ESRRG: variants seen among roughly 807,000 people sequenced by gnomAD.
ESRRG encodes the protein estrogen-related receptor gamma.
Under a neutral mutation model 44.0 loss-of-function variants are expected in ESRRG, and 13 were observed. The observed-to-expected ratio is 0.30, with a 90% confidence interval of 0.19 to 0.47. ESRRG has a LOEUF of 0.47. Ranked by LOEUF, ESRRG falls within the 20% of genes least tolerant of loss-of-function variation. The pLI is 1.00. For synonymous variants in ESRRG, 215 were observed against 214.6 expected, an observed-to-expected ratio of 1.00 and a Z score of -0.02; for missense variants, 395 against 580.6, an observed-to-expected ratio of 0.68 and a Z score of 3.29.
chr1:216,770,539 T>C (rs1045705905), intron 2 of ESRRG, among the ~76,000 whole-genome samples: 23 of 152,116 alleles, frequency 1.5e-4, no homozygotes, highest in African/African-American at 5.1e-4. Context: ...ATATCTTTCA[T>C]TGACCATATT....
intron 1 of ESRRG, among the ~76,000 whole-genome samples, chr1:216,997,993 T>G (rs1286842549): frequency 6.6e-6 from 1 of 152,220 alleles, no homozygotes; most frequent in African/African-American, 2.4e-5. Flanking sequence ...TTCCCTTTTT[T>G]AACTGTGAAA....
chr1:217,052,986 C>T (rs549443559), intron 1 of ESRRG, among the ~76,000 whole-genome samples: 1 of 152,158 alleles, frequency 6.6e-6, no homozygotes, highest in African/African-American at 2.4e-5. Context: ...TTCCTTCATT[C>T]ATTCTTCCTT....
intron 3 of ESRRG, among the ~76,000 whole-genome samples, chr1:216,576,262 G>T (rs1249909547): frequency 6.6e-6 from 1 of 151,434 alleles, no homozygotes; most frequent in Non-Finnish European, 1.5e-5. Flanking sequence ...GGCTGCATGT[G>T]GAAACATTAT....
chr1:216,929,446 G>A (rs2063032349), intron 2 of ESRRG, among the ~76,000 whole-genome samples: 1 of 152,174 alleles, frequency 6.6e-6, no homozygotes, highest in Admixed American at 6.6e-5. Context: ...TGAATGCTTG[G>A]AAACATATAA....
At chr1:216,947,628 T>C (rs2066257530) in intron 1 of ESRRG, among the ~76,000 whole-genome samples, 1 of 152,212 alleles carries the variant, frequency 6.6e-6, no homozygotes, top group Non-Finnish European at 1.5e-5. Context: ...GGTGGTTTTA[T>C]TCCCCCTGGA....
intron 1 of ESRRG, among the ~76,000 whole-genome samples, chr1:217,051,582 T>G (rs941975357): frequency 6.6e-6 from 1 of 152,198 alleles, no homozygotes; most frequent in Non-Finnish European, 1.5e-5. Flanking sequence ...TACTTATGTT[T>G]CAGAAACAAT....
intron 3 of ESRRG, among the ~76,000 whole-genome samples, chr1:216,618,785 A>C (rs545529938): frequency 3.3e-4 from 50 of 152,342 alleles, no homozygotes; most frequent in African/African-American, 1.2e-3. Context: ...TGATCACTGT[A>C]AATTCAATGA....
At chr1:216,710,463 C>T (rs185915334) in intron 1 of ESRRG, among the ~76,000 whole-genome samples, 5 of 152,060 alleles carry the variant, frequency 3.3e-5, no homozygotes, top group African/African-American at 1.2e-4. Flanking sequence ...CAACCAATTG[C>T]TTTTTTTGAA....
At chr1:216,799,049 T>C (rs1324031631) in intron 2 of ESRRG, among the ~76,000 whole-genome samples, 1 of 152,078 alleles carries the variant, frequency 6.6e-6, no homozygotes, top group Non-Finnish European at 1.5e-5. Flanking sequence ...CCCTAAATGG[T>C]TAATTTTCAT....
chr1:217,003,475 T>C (rs2077310596), intron 1 of ESRRG, among the ~76,000 whole-genome samples: 1 of 151,564 alleles, frequency 6.6e-6, no homozygotes, highest in African/African-American at 2.4e-5. Flanking sequence ...ACAAATACTC[T>C]AAAAATAATA....
intron 1 of ESRRG, among the ~76,000 whole-genome samples, chr1:217,054,773 C>T (rs1193774467): frequency 6.6e-6 from 1 of 151,314 alleles, no homozygotes; most frequent in Non-Finnish European, 1.5e-5. Flanking sequence ...AAAAAAAAAA[C>T]ACAGATGAGA....
chr1:216,911,000 T>G (rs1225418107), intron 2 of ESRRG, among the ~76,000 whole-genome samples: 1 of 152,196 alleles, frequency 6.6e-6, no homozygotes, highest in African/African-American at 2.4e-5. Context: ...TATTGAATAA[T>G]TTTTCAGTAC....
intron 2 of ESRRG, among the ~76,000 whole-genome samples, chr1:216,667,583 G>A (rs1042755841): frequency 1.4e-4 from 21 of 151,020 alleles, no homozygotes; most frequent in African/African-American, 4.9e-4. Flanking sequence ...CTACTCAGGA[G>A]GCTGAGGCAC....
At chr1:216,751,691 A>T (rs2092023031) in intron 2 of ESRRG, among the ~76,000 whole-genome samples, 1 of 152,028 alleles carries the variant, frequency 6.6e-6, no homozygotes, top group South Asian at 2.1e-4. Flanking sequence ...GATAAAGTCA[A>T]GGGAAAAGGC....
At chr1:216,567,956 T>C in intron 4 of ESRRG, 32 bp downstream of exon 4, 1 of 1,438,936 alleles carries the variant, frequency 6.9e-7, no homozygotes, top group Non-Finnish European at 9.8e-7. Flanking sequence ...GATTTCGTGT[T>C]CTGGGAAGCC....
intron 2 of ESRRG, among the ~76,000 whole-genome samples, chr1:216,750,890 G>A (rs983140406): frequency 1.3e-5 from 2 of 152,084 alleles, no homozygotes; most frequent in Non-Finnish European, 2.9e-5. Context: ...TACCTTAGGA[G>A]AGTGCTCTGT....
intron 1 of ESRRG, among the ~76,000 whole-genome samples, chr1:216,683,844 G>C (rs1386262967): frequency 6.6e-6 from 1 of 152,048 alleles, no homozygotes; most frequent in Non-Finnish European, 1.5e-5. Context: ...TCTAATATTA[G>C]GTTGGTCAAC....
chr1:216,822,838 T>C (rs530895663), intron 2 of ESRRG, among the ~76,000 whole-genome samples: 8 of 152,330 alleles, frequency 5.3e-5, no homozygotes, highest in African/African-American at 1.9e-4. Context: ...ATCTTACAGA[T>C]TGATAAGGAA....
At chr1:217,135,751 G>C (rs1379908927) in intron 1 of ESRRG, among the ~76,000 whole-genome samples, 1 of 152,210 alleles carries the variant, frequency 6.6e-6, no homozygotes, top group African/African-American at 2.4e-5. Flanking sequence ...ACAAATCACG[G>C]GACACGACGG....
Sources: allele counts gnomAD v4.1 joint callset (sites outside exome capture counted in the v4.1 genomes callset), GRCh38; gene constraint gnomAD v4.1.1; transcripts MANE v1.5; gene names NCBI Gene and HGNC (gene_info 2026-07-23, HGNC 2026-07-21).